The following DNAJC6 variants were observed in gnomAD, a reference collection of about 807,000 sequenced individuals.
The protein encoded by DNAJC6 is auxilin.
A neutral mutation model predicts 110.0 loss-of-function variants in DNAJC6; 34 were observed. That is an observed-to-expected ratio of 0.31 (90% CI 0.24 to 0.41). The LOEUF is 0.41. Ranked by LOEUF, DNAJC6 falls within the 10% of genes least tolerant of loss-of-function variation. The pLI, the probability that DNAJC6 is intolerant of heterozygous loss-of-function variation, is 1.00. For missense variants in DNAJC6, 1,031 were observed against 1,207.8 expected, an observed-to-expected ratio of 0.85 and a Z score of 2.17; for synonymous variants, 406 against 437.2, an observed-to-expected ratio of 0.93 and a Z score of 0.89.
intron 1 of DNAJC6, among the ~76,000 whole-genome samples, chr1:65,269,817 G>A (rs574335867): frequency 6.6e-6 from 1 of 152,162 alleles, no homozygotes; most frequent in Non-Finnish European, 1.5e-5. Flanking sequence ...AAATCTGCAG[G>A]TATGTTATTT....
chr1:65,306,976 CT>C (rs1645046308), upstream of DNAJC6, among the ~76,000 whole-genome samples: 2 of 32,806 alleles, frequency 6.1e-5, no homozygotes, highest in Non-Finnish European at 1.0e-4. Flanking sequence ...ATCTGTTTCT[CT>C]CTCTCTCTCT....
At chr1:65,353,872 G>T (rs1392214859) in intron 1 of DNAJC6, among the ~76,000 whole-genome samples, 4 of 152,054 alleles carry the variant, frequency 2.6e-5, no homozygotes, top group Non-Finnish European at 5.9e-5. Flanking sequence ...AAAGCTTGAG[G>T]AGACAGTGAA....
intron 1 of DNAJC6, among the ~76,000 whole-genome samples, chr1:65,337,439 T>C (rs1645348360): frequency 6.6e-6 from 1 of 152,028 alleles, no homozygotes; most frequent in Non-Finnish European, 1.5e-5. Context: ...TTTTCAAAAA[T>C]AAAAAGTAGG....
chr1:65,333,172 A>G (rs375937454), intron 1 of DNAJC6, among the ~76,000 whole-genome samples: 1 of 152,190 alleles, frequency 6.6e-6, no homozygotes, highest in African/African-American at 2.4e-5. Context: ...AAACAAAAAC[A>G]ACACTATCCC....
intron 4 of DNAJC6, among the ~76,000 whole-genome samples, chr1:65,373,931 T>G (rs1450341473): frequency 6.6e-6 from 1 of 152,160 alleles, no homozygotes; most frequent in Non-Finnish European, 1.5e-5. Flanking sequence ...GGATTCAAGT[T>G]TTTAATCAAT....
chr1:65,270,488 A>G (rs565739580), intron 1 of DNAJC6, among the ~76,000 whole-genome samples: 68 of 152,288 alleles, frequency 4.5e-4, no homozygotes, highest in Admixed American at 7.2e-4. Context: ...TATAGGTTCA[A>G]TAAGGTATTT....
At chr1:65,384,074 C>A in intron 5 of DNAJC6, 119 bp from the exon 6 acceptor site, 1 of 1,226,372 alleles carries the variant, frequency 8.2e-7, no homozygotes. Context: ...AAATGAAAAG[C>A]ACCCACAGTT....
chr1:65,374,370 T>C (rs932017152), intron 4 of DNAJC6, among the ~76,000 whole-genome samples: 1 of 152,134 alleles, frequency 6.6e-6, no homozygotes, highest in Non-Finnish European at 1.5e-5. Context: ...TTGCTTTGGG[T>C]AGTATTGCCA....
intron 1 of DNAJC6, among the ~76,000 whole-genome samples, chr1:65,330,459 CT>C (rs554827732): frequency 2.0e-5 from 3 of 149,066 alleles, no homozygotes; most frequent in Non-Finnish European, 3.0e-5. Flanking sequence ...AAGTCTATTT[CT>C]TTTTTTTTTG....
intron 1 of DNAJC6, among the ~76,000 whole-genome samples, chr1:65,283,854 G>A (rs912388711): frequency 1.3e-5 from 2 of 152,108 alleles, no homozygotes; most frequent in Admixed American, 1.3e-4. Context: ...TTTGTGGTGG[G>A]TGTGTAGTGA....
intron 1 of DNAJC6, among the ~76,000 whole-genome samples, chr1:65,280,897 G>A (rs1653822593): frequency 6.6e-6 from 1 of 152,082 alleles, no homozygotes; most frequent in African/African-American, 2.4e-5. Context: ...CCTCTCAAGG[G>A]AAAATTACAT....
intron 1 of DNAJC6, among the ~76,000 whole-genome samples, chr1:65,354,063 T>G (rs1645517866): frequency 6.6e-6 from 1 of 152,140 alleles, no homozygotes; most frequent in Non-Finnish European, 1.5e-5. Flanking sequence ...TATATTGCAC[T>G]TAGGGGACTG....
intron 1 of DNAJC6, among the ~76,000 whole-genome samples, chr1:65,362,675 G>A (rs573354258): frequency 6.6e-6 from 1 of 152,148 alleles, no homozygotes; most frequent in Non-Finnish European, 1.5e-5. Context: ...GACTTCCAGG[G>A]TCACACAGCT....
chr1:65,386,134 C>T (rs1233231324), intron 7 of DNAJC6, among the ~76,000 whole-genome samples: 1 of 152,092 alleles, frequency 6.6e-6, no homozygotes, highest in African/African-American at 2.4e-5. Flanking sequence ...CTAGCATAAG[C>T]TGTATACAGG....
intron 1 of DNAJC6, among the ~76,000 whole-genome samples, chr1:65,342,391 G>A (rs1557531172): frequency 6.6e-6 from 1 of 152,146 alleles, no homozygotes; most frequent in Non-Finnish European, 1.5e-5. Flanking sequence ...TTATAAAAGA[G>A]GGCCCCAGAG....
chr1:65,319,451 G>T (rs1570272732), intron 1 of DNAJC6, among the ~76,000 whole-genome samples: 2 of 152,302 alleles, frequency 1.3e-5, no homozygotes, highest in Middle Eastern at 6.8e-3. Context: ...CTGAGTCCAG[G>T]CCTAAGGCCC....
At chr1:65,268,589 A>G (rs2477790) in intron 1 of DNAJC6, among the ~76,000 whole-genome samples, 100,102 of 152,054 alleles carry the variant, frequency 0.66, 34,260 homozygotes, top group South Asian at 0.87. Flanking sequence ...TAGCTAGTTA[A>G]TGGCAGAGCC....
At chr1:65,323,839 C>T (rs530968404) in intron 1 of DNAJC6, among the ~76,000 whole-genome samples, 4 of 152,236 alleles carry the variant, frequency 2.6e-5, no homozygotes, top group African/African-American at 7.2e-5. Context: ...GAGCCTCCTG[C>T]CTTGGCCTCC....
intron 1 of DNAJC6, among the ~76,000 whole-genome samples, chr1:65,358,547 A>G (rs114129492): frequency 7.5e-4 from 114 of 152,350 alleles, no homozygotes; most frequent in African/African-American, 2.6e-3. Flanking sequence ...GGCATTCAGT[A>G]GGTTTCAGTT....
Sources: allele counts gnomAD v4.1 joint callset (sites outside exome capture counted in the v4.1 genomes callset), GRCh38; gene constraint gnomAD v4.1.1; transcripts MANE v1.5; gene names NCBI Gene and HGNC (gene_info 2026-07-23, HGNC 2026-07-21).